CDH13: variants seen among roughly 807,000 people sequenced by gnomAD.
CDH13 encodes the protein cadherin 13.
In CDH13, 24 loss-of-function variants were observed where a neutral mutation model predicts 63.8. The observed-to-expected ratio is 0.38, with a 90% CI of 0.27 to 0.53. CDH13 has a LOEUF of 0.53. CDH13 is among the 20% of genes least tolerant of loss of function. The probability of loss-of-function intolerance (pLI) is 0.85; values close to 1 mark genes in which losing one functional copy is unlikely to be tolerated. For synonymous variants in CDH13, 503 were observed against 355.3 expected, an observed-to-expected ratio of 1.42 and a Z score of -4.67; for missense variants, 1,049 against 903.1, an observed-to-expected ratio of 1.16 and a Z score of -2.07.
chr16:83,584,188 G>A (rs571758941), intron 7 of CDH13, among the ~76,000 whole-genome samples: 16 of 152,082 alleles, frequency 1.1e-4, no homozygotes, highest in East Asian at 3.9e-4. Flanking sequence ...AAAATTAGCC[G>A]GGCATAGTGA....
intron 5 of CDH13, among the ~76,000 whole-genome samples, chr16:83,247,168 C>T (rs569232627): frequency 6.6e-6 from 1 of 152,274 alleles, no homozygotes; most frequent in South Asian, 2.1e-4. Context: ...AACCAGTTCA[C>T]AGATCTAGTT....
chr16:83,014,739 AAAAAAT>A (rs1914520562), intron 2 of CDH13, among the ~76,000 whole-genome samples: 1 of 37,072 alleles, frequency 2.7e-5, no homozygotes, highest in East Asian at 6.2e-4. Flanking sequence ...TAAAAAAAAA[AAAAAAT>A]ATATATATAT....
chr16:82,871,076 GCTGTCTTGTTT>G (rs1296420207), intron 2 of CDH13, among the ~76,000 whole-genome samples: 1 of 152,190 alleles, frequency 6.6e-6, no homozygotes, highest in Non-Finnish European at 1.5e-5. Context: ...AGTTTTTGAT[GCTGTCTTGTTT>G]CTGTCATATC....
chr16:83,478,216 C>T (rs1335966550), intron 6 of CDH13, among the ~76,000 whole-genome samples: 1 of 151,902 alleles, frequency 6.6e-6, no homozygotes, highest in African/African-American at 2.4e-5. Context: ...TTCAGACATG[C>T]AGTAATTCCT....
chr16:82,674,919 T>C (rs1913723956), intron 1 of CDH13, among the ~76,000 whole-genome samples: 1 of 148,790 alleles, frequency 6.7e-6, no homozygotes, highest in Admixed American at 6.6e-5. Flanking sequence ...AGTCATAATC[T>C]ATTAATTTGA....
intron 1 of CDH13, among the ~76,000 whole-genome samples, chr16:82,830,875 A>G (rs1008180706): frequency 6.6e-6 from 1 of 152,256 alleles, no homozygotes; most frequent in African/African-American, 2.4e-5. Context: ...GACAAGATAT[A>G]GAATAAGTCA....
At chr16:83,698,041 C>G (rs1017969854) in intron 10 of CDH13, among the ~76,000 whole-genome samples, 4 of 152,238 alleles carry the variant, frequency 2.6e-5, no homozygotes, top group South Asian at 2.1e-4. Flanking sequence ...CCACACTAAA[C>G]TGTAAACCCC....
chr16:83,750,215 G>T (rs1353146353), intron 11 of CDH13, among the ~76,000 whole-genome samples: 1 of 152,120 alleles, frequency 6.6e-6, no homozygotes, highest in East Asian at 1.9e-4. Context: ...AGAATCTCTT[G>T]AACCTAGGAG....
chr16:82,864,568 T>A (rs886639777), intron 2 of CDH13, among the ~76,000 whole-genome samples: 3 of 152,050 alleles, frequency 2.0e-5, no homozygotes, highest in Non-Finnish European at 4.4e-5. Flanking sequence ...ACTCACTCAC[T>A]ATAATGAGAA....
intron 5 of CDH13, among the ~76,000 whole-genome samples, chr16:83,313,830 T>C (rs74034111): frequency 0.01 from 1,599 of 152,288 alleles, 25 homozygotes; most frequent in African/African-American, 0.037. Context: ...TGTGCTGTTT[T>C]GAATAAACTG....
At chr16:83,767,212 G>A (rs1461373119) in intron 11 of CDH13, among the ~76,000 whole-genome samples, 1 of 151,566 alleles carries the variant, frequency 6.6e-6, no homozygotes, top group Non-Finnish European at 1.5e-5. Flanking sequence ...GTTCCGATGT[G>A]GATAGCAGCT....
At chr16:82,703,009 A>C (rs2031176383) in intron 1 of CDH13, among the ~76,000 whole-genome samples, 1 of 152,196 alleles carries the variant, frequency 6.6e-6, no homozygotes, top group Non-Finnish European at 1.5e-5. Context: ...TGGTCAGCAC[A>C]CAGCCAGTGA....
At chr16:82,978,859 C>A (rs1041445817) in intron 2 of CDH13, among the ~76,000 whole-genome samples, 1 of 144,224 alleles carries the variant, frequency 6.9e-6, no homozygotes, top group African/African-American at 2.7e-5. Flanking sequence ...TCCTCCATAC[C>A]CCAAAATGGT....
chr16:83,544,012 G>A (rs1193195749), intron 7 of CDH13, among the ~76,000 whole-genome samples: 1 of 152,170 alleles, frequency 6.6e-6, no homozygotes, highest in African/African-American at 2.4e-5. Context: ...TGGATCAGAG[G>A]GAAATGGGAT....
chr16:83,192,788 A>T (rs1437778826), intron 4 of CDH13, among the ~76,000 whole-genome samples: 1 of 152,118 alleles, frequency 6.6e-6, no homozygotes, highest in African/African-American at 2.4e-5. Context: ...GCACCAGGCC[A>T]CTGTTGCCCA....
chr16:83,285,581 C>G (rs116053792), intron 5 of CDH13, among the ~76,000 whole-genome samples: 3,468 of 152,152 alleles, frequency 0.023, 153 homozygotes, highest in African/African-American at 0.079. Context: ...ATAGCATTTA[C>G]ATTGTATTAG....
At chr16:82,815,461 G>C (rs1370490833) in intron 1 of CDH13, among the ~76,000 whole-genome samples, 1 of 152,190 alleles carries the variant, frequency 6.6e-6, no homozygotes. Flanking sequence ...CGAGCTGGTA[G>C]TGTGTGTCAG....
chr16:83,414,352 C>A (rs2092169825), intron 6 of CDH13, among the ~76,000 whole-genome samples: 1 of 152,124 alleles, frequency 6.6e-6, no homozygotes, highest in Non-Finnish European at 1.5e-5. Context: ...CAGGGTGATG[C>A]AACCACCACC....
intron 8 of CDH13, among the ~76,000 whole-genome samples, chr16:83,645,546 C>A (rs1043826610): frequency 9.9e-4 from 121 of 121,860 alleles, no homozygotes; most frequent in African/African-American, 3.5e-3. Flanking sequence ...TGCCCCCCCC[C>A]AATCTAAAAT....
Sources: gnomAD v4.1 joint callset for allele counts (sites outside exome capture counted in the v4.1 genomes callset) on GRCh38, gnomAD v4.1.1 for gene constraint, MANE v1.5 for transcripts, NCBI Gene and HGNC (gene_info 2026-07-23, HGNC 2026-07-21) for gene names.